VAV3: variants seen among roughly 807,000 people sequenced by gnomAD.
The protein encoded by VAV3 is vav guanine nucleotide exchange factor 3.
A neutral mutation model predicts 131.2 loss-of-function variants in VAV3; 94 were observed. That is an observed-to-expected ratio of 0.72 (90% CI 0.61 to 0.85). VAV3 has a LOEUF of 0.85. Among genes scored for constraint, VAV3 ranks in the 40% least tolerant of loss-of-function variants. VAV3 has a pLI of 0.00. For synonymous variants in VAV3, 349 were observed against 342.0 expected (o/e 1.02, Z -0.22); for missense variants, 939 against 1,002.7 (o/e 0.94, Z 0.86).
chr1:107,886,727 A>T (rs1301302914), intron 1 of VAV3, among the ~76,000 whole-genome samples: 1 of 152,178 alleles, frequency 6.6e-6, no homozygotes, highest in African/African-American at 2.4e-5. Context: ...GGAAACTTCC[A>T]TCAAACTGCT....
chr1:107,880,886 G>A (rs1670739858), intron 1 of VAV3, among the ~76,000 whole-genome samples: 1 of 151,978 alleles, frequency 6.6e-6, no homozygotes, highest in Non-Finnish European at 1.5e-5. Context: ...GTGATGTTTC[G>A]GTGCTTGCTA....
intron 12 of VAV3, among the ~76,000 whole-genome samples, chr1:107,754,784 C>T (rs1664001339): frequency 6.6e-6 from 1 of 152,158 alleles, no homozygotes; most frequent in Non-Finnish European, 1.5e-5. Context: ...CAACTCTGAG[C>T]ATTTCACCTG....
At chr1:107,889,038 T>A (rs1392520974) in intron 1 of VAV3, among the ~76,000 whole-genome samples, 1 of 151,994 alleles carries the variant, frequency 6.6e-6, no homozygotes, top group Non-Finnish European at 1.5e-5. Flanking sequence ...CCATTCTTAA[T>A]GACTACAGTA....
At chr1:107,931,207 G>T (rs1673423472) in intron 1 of VAV3, among the ~76,000 whole-genome samples, 1 of 152,078 alleles carries the variant, frequency 6.6e-6, no homozygotes, top group Admixed American at 6.5e-5. Flanking sequence ...ATAAGAAATT[G>T]CTCACTTTGT....
chr1:107,761,610 A>G (rs1664435517), intron 9 of VAV3, among the ~76,000 whole-genome samples: 1 of 152,110 alleles, frequency 6.6e-6, no homozygotes, highest in African/African-American at 2.4e-5. Flanking sequence ...TCCCTCAACT[A>G]TGATGTGCTT....
intron 1 of VAV3, among the ~76,000 whole-genome samples, chr1:107,891,079 C>T (rs7545326): frequency 0.086 from 12,995 of 151,926 alleles, 671 homozygotes; most frequent in South Asian, 0.13. Flanking sequence ...GACCACTGGC[C>T]TGGTTTCCAC....
intron 25 of VAV3, among the ~76,000 whole-genome samples, chr1:107,589,529 T>C (rs1650776248): frequency 6.6e-6 from 1 of 152,236 alleles, no homozygotes; most frequent in Non-Finnish European, 1.5e-5. Context: ...ACTTTGGTTT[T>C]CAACTTCTGG....
chr1:107,801,221 G>C lies in VAV3; in HGVS notation c.322-21729C>G, dbSNP rs76445664. 7.9e-3 allele frequency among the ~76,000 whole-genome samples: 1,205 copies of C among 152,082 alleles called. 17 individuals are homozygous for C. The highest frequency in any genetic ancestry group is 0.026 in the African/African-American group (1,094 of 41,504). On this transcript the variant is annotated intron_variant, in intron 2 of 26. Coordinates refer to ENST00000370056, the MANE Select transcript of VAV3 (RefSeq NM_006113.5). ...CTGATTTGGTTACTATATTTTTGTA[G>C]TATATTTGGAAGTCAGATACTGTGA...
rs1660357121 is a variant in VAV3 at position 107,705,037 on chromosome 1, T to A, written c.1527A>T (p.Ala509=). The change falls in exon 16 of 27, where the codon GCA becomes GCT. Residue 509 remains alanine, a synonymous_variant. Coordinates refer to ENST00000370056, the MANE Select transcript of VAV3 (RefSeq NM_006113.5). ...TCTTGAAGTCGTGGAAATTGGAGTC[T>A]GCATAGTCTGGTCTTATGTTAGACC... ...MALSNIRPDY[A]DSNFHDFKMH... is the part of the protein sequence containing the mutation. The A allele has an allele frequency of 6.2e-7, 1 of 1,613,670 alleles. No homozygotes were observed.
intron 25 of VAV3, among the ~76,000 whole-genome samples, chr1:107,584,040 T>G (rs1650291695): frequency 1.3e-5 from 2 of 152,146 alleles, no homozygotes; most frequent in African/African-American, 4.8e-5. Flanking sequence ...AACAGCATGG[T>G]ACTGGTACCA....
chr1:107,801,640 A>G (rs372779863), intron 2 of VAV3, among the ~76,000 whole-genome samples: 2 of 152,062 alleles, frequency 1.3e-5, no homozygotes, highest in East Asian at 3.9e-4. Flanking sequence ...GCAAACACCA[A>G]CCTGTAACCA....
intron 19 of VAV3, among the ~76,000 whole-genome samples, chr1:107,675,741 A>G (rs1658161437): frequency 6.6e-6 from 1 of 152,168 alleles, no homozygotes; most frequent in South Asian, 2.1e-4. Context: ...TCAGTTCTCT[A>G]ATCCGATAAA....
chr1:107,814,177 G>C (rs1667463643), intron 2 of VAV3, among the ~76,000 whole-genome samples: 1 of 152,030 alleles, frequency 6.6e-6, no homozygotes, highest in Non-Finnish European at 1.5e-5. Flanking sequence ...CCAGTCAGTA[G>C]CGAAAACTGC....
At chr1:107,862,701 A>C (rs1277545542) in intron 2 of VAV3, 1 of 151,672 alleles carries the variant, frequency 6.6e-6, no homozygotes, top group African/African-American at 2.4e-5. Flanking sequence ...CCAATGTGAC[A>C]AGGTCAAGGA....
At chr1:107,783,312 G>C (rs1270166632) in intron 2 of VAV3, among the ~76,000 whole-genome samples, 1 of 152,198 alleles carries the variant, frequency 6.6e-6, no homozygotes, top group African/African-American at 2.4e-5. Flanking sequence ...ATAGGGAACA[G>C]AGAAGGGGCC....
chr1:107,910,926 G>T (rs1027484781), intron 1 of VAV3, among the ~76,000 whole-genome samples: 2 of 151,852 alleles, frequency 1.3e-5, no homozygotes, highest in Admixed American at 1.3e-4. Context: ...GTTGCAGTGG[G>T]CCGGTATCAC....
intron 2 of VAV3, among the ~76,000 whole-genome samples, chr1:107,848,689 C>T (rs1669085652): frequency 6.6e-6 from 1 of 152,146 alleles, no homozygotes; most frequent in Admixed American, 6.5e-5. Context: ...TCTCTCACCA[C>T]TCCTATTCAA....
intron 25 of VAV3, chr1:107,578,982 C>A: frequency 1.1e-6 from 1 of 880,296 alleles, no homozygotes; most frequent in South Asian, 5.2e-5. Flanking sequence ...GATAACCTAT[C>A]TGTAATCTTA....
intron 25 of VAV3, among the ~76,000 whole-genome samples, chr1:107,589,676 C>A (rs911048177): frequency 6.6e-6 from 1 of 152,034 alleles, no homozygotes; most frequent in Non-Finnish European, 1.5e-5. Flanking sequence ...TAGATCATAT[C>A]AAACCCAATT....
Sources: allele counts gnomAD v4.1 joint callset (sites outside exome capture counted in the v4.1 genomes callset), GRCh38; gene constraint gnomAD v4.1.1; transcripts MANE v1.5; gene names NCBI Gene and HGNC (gene_info 2026-07-23, HGNC 2026-07-21).